Variants in CAST observed in about 807,000 individuals in gnomAD.
CAST encodes the protein MIR583 host.
In CAST, 76 loss-of-function variants were observed where a neutral mutation model predicts 119.6. That is an observed-to-expected ratio of 0.64 (90% CI 0.53 to 0.77). The LOEUF is 0.77. Ranked by LOEUF, CAST falls within the 30% of genes least tolerant of loss-of-function variation. The probability of loss-of-function intolerance (pLI) is 0.00; values close to 1 mark genes in which losing one functional copy is unlikely to be tolerated. For synonymous variants in CAST, 319 were observed against 331.6 expected (o/e 0.96, Z 0.41); for missense variants, 953 against 946.5 (o/e 1.01, Z -0.09).
rs139871169 is a variant in CAST, at chr5:96,710,105, T to C, written c.211-12534T>C. Among the ~76,000 whole-genome samples, 3 of 152,302 alleles carry C rather than the reference T, an allele frequency of 2.0e-5. No individual in the cohort carries two copies. In the East Asian group the frequency reaches 5.8e-4, roughly 29 times the overall value. ...AGCATGTATGCCTTTGTCCCAGTCT[T>C]TTTAGGGAACATTTAGGTTCTTCAG... On this transcript the variant is annotated intron_variant, in intron 3 of 31. Transcript: ENST00000675179.
chr5:96,339,641 G>A, the CAST span, among the ~76,000 whole-genome samples: 21 of 152,186 alleles, frequency 1.4e-4, no homozygotes, highest in African/African-American at 4.3e-4. Context: ...CATAAAACTT[G>A]AAGTCATAGG....
At chr5:96,320,708 G>A in the CAST span, among the ~76,000 whole-genome samples, 2 of 32,390 alleles carry the variant, frequency 6.2e-5, no homozygotes, top group Admixed American at 9.2e-4. Context: ...CTCACTGCAT[G>A]TTTTTCCTAG....
the CAST span, among the ~76,000 whole-genome samples, chr5:96,033,666 T>C: frequency 6.6e-6 from 1 of 152,114 alleles, no homozygotes; most frequent in Admixed American, 6.6e-5. Flanking sequence ...GATTAAAGAC[T>C]TAAACATAAG....
chr5:96,101,117 C>T, the CAST span, among the ~76,000 whole-genome samples: 1 of 152,090 alleles, frequency 6.6e-6, no homozygotes, highest in African/African-American at 2.4e-5. Context: ...TGCTTTGTTG[C>T]CCAGGATGGT....
At chr5:96,622,138 T>G (rs1352454843) in intron 1 of CAST, among the ~76,000 whole-genome samples, 1 of 151,706 alleles carries the variant, frequency 6.6e-6, no homozygotes, top group Non-Finnish European at 1.5e-5. Context: ...CCTGGCTAGT[T>G]TTTGTATTTT....
At chr5:96,708,767 T>G (rs979611525) in intron 3 of CAST, among the ~76,000 whole-genome samples, 1 of 152,192 alleles carries the variant, frequency 6.6e-6, no homozygotes, top group Admixed American at 6.5e-5. Flanking sequence ...CCTCTATTTC[T>G]TTCTTCACTA....
intron 1 of CAST, among the ~76,000 whole-genome samples, chr5:96,558,210 G>T (rs1746282395): frequency 6.6e-6 from 1 of 152,132 alleles, no homozygotes; most frequent in Admixed American, 6.5e-5. Flanking sequence ...AAAGCAATGT[G>T]TAGAGGGAAA....
rs200328348 is a variant in CAST, at chr5:96,740,146, T to G, written c.879+28T>G. 483 of 977,082 alleles carry G rather than the reference T, an allele frequency of 4.9e-4. 2 individuals are homozygous for G. The highest frequency in any genetic ancestry group is 1.2e-3 in the Middle Eastern group (4 of 3,258). The allele number at this position is 977,082 out of a possible 1,614,324, so 60.5% of individuals were successfully genotyped here. A position where few individuals can be genotyped will look rare whatever the true frequency, so the allele number is the denominator to read the frequency against. ...AAGTTAAATAATCATTTACTTTTAT[T>G]TCACTGTTTCCTCTTTAGAAAATAA... is the stretch of plus-strand genomic sequence containing the variant. On this transcript the variant is annotated intron_variant, in intron 12 of 31. Transcript: ENST00000675179.
At chr5:96,044,435 A>G in the CAST span, among the ~76,000 whole-genome samples, 1 of 152,222 alleles carries the variant, frequency 6.6e-6, no homozygotes. Context: ...CAGATACCAA[A>G]TCTGCCAGTG....
At chr5:96,410,399 A>T in the CAST span, among the ~76,000 whole-genome samples, 5 of 151,988 alleles carry the variant, frequency 3.3e-5, no homozygotes, top group Admixed American at 6.6e-5. Flanking sequence ...CCCTGCTGTT[A>T]AAGGATCAGC....
the CAST span, among the ~76,000 whole-genome samples, chr5:96,507,215 G>A: frequency 5.3e-5 from 8 of 152,146 alleles, no homozygotes; most frequent in East Asian, 3.9e-4. Context: ...CATTCACGTC[G>A]GGGAGAAGAG....
the CAST span, among the ~76,000 whole-genome samples, chr5:96,051,476 G>A: frequency 2.0e-5 from 3 of 152,150 alleles, no homozygotes; most frequent in Non-Finnish European, 4.4e-5. Context: ...CCTGGGGCTG[G>A]GGGTAACTGC....
At chr5:96,162,664 C>T in the CAST span, among the ~76,000 whole-genome samples, 2 of 152,226 alleles carry the variant, frequency 1.3e-5, no homozygotes, top group East Asian at 1.9e-4. Context: ...GTAATCCATC[C>T]GCCTCAGCTT....
intron 1 of CAST, among the ~76,000 whole-genome samples, chr5:96,558,297 T>C (rs1746284297): frequency 6.6e-6 from 1 of 151,826 alleles, no homozygotes; most frequent in Non-Finnish European, 1.5e-5. Flanking sequence ...TTAAAAGAAC[T>C]AGAGAAGCAA....
chr5:96,748,808 C>T (rs561888023), intron 19 of CAST, 195 bp downstream of exon 19: 27 of 485,442 alleles, frequency 5.6e-5, no homozygotes, highest in Non-Finnish European at 8.5e-5. Context: ...CAATTGAAGT[C>T]CTGCAATGAC....
the CAST span, among the ~76,000 whole-genome samples, chr5:96,348,874 G>T: frequency 6.6e-6 from 1 of 152,122 alleles, no homozygotes; most frequent in Admixed American, 6.6e-5. Flanking sequence ...TATCAAAAGG[G>T]CTGTAACGGA....
At chr5:96,384,734 T>C in the CAST span, among the ~76,000 whole-genome samples, 11 of 152,306 alleles carry the variant, frequency 7.2e-5, no homozygotes, top group African/African-American at 2.2e-4. Flanking sequence ...GGCTAGGAGA[T>C]AGTGTCTTTC....
Position 96,741,548 on chromosome 5 carries a change from C to T in CAST, c.1066C>T (p.Pro356Ser), listed in dbSNP as rs752410089. 1 of 1,613,412 alleles carries T rather than the reference C, an allele frequency of 6.2e-7. No homozygotes were observed. The highest frequency in any genetic ancestry group is 8.5e-7 in the Non-Finnish European group (1 of 1,179,404). Residue 356 changes from proline to serine, a missense_variant, in exon 15 of 32, where the codon CCA (proline) becomes TCA (serine). By Grantham distance (74) the Pro-to-Ser change is moderately conservative (BLOSUM62 -1). Transcript: ENST00000675179. ...QSAGTVRSAA[P>S]PQEKKRKVEK... Reference sequence around the variant, plus strand: ...AGCAGGGACAGTCAGAAGTGCTGCTCCACCCCAAGAGAAGAAAAGAAAGGT... The same window carrying T: ...AGCAGGGACAGTCAGAAGTGCTGCTTCACCCCAAGAGAAGAAAAGAAAGGT...
chr5:96,146,880 A>G, the CAST span, among the ~76,000 whole-genome samples: 1 of 152,210 alleles, frequency 6.6e-6, no homozygotes, highest in Non-Finnish European at 1.5e-5. Flanking sequence ...AAGGGAAGAG[A>G]GTGAAGAATG....
Sources: allele counts gnomAD v4.1 joint callset (sites outside exome capture counted in the v4.1 genomes callset), GRCh38; gene constraint gnomAD v4.1.1; transcripts MANE v1.5; gene names NCBI Gene and HGNC (gene_info 2026-07-23, HGNC 2026-07-21).